Variants in PAN3 observed in about 807,000 individuals in gnomAD.
PAN3 encodes PAN2-PAN3 deadenylation complex subunit PAN3.
Under a neutral mutation model 96.2 loss-of-function variants are expected in PAN3, and 19 were observed. That is an observed-to-expected ratio of 0.20 (90% CI 0.14 to 0.29). PAN3 has a LOEUF of 0.29. PAN3 is among the 10% of genes least tolerant of loss of function. The pLI is 1.00. For synonymous variants in PAN3, 433 were observed against 406.6 expected, an observed-to-expected ratio of 1.06 and a Z score of -0.78; for missense variants, 882 against 1,108.1, an observed-to-expected ratio of 0.80 and a Z score of 2.90.
intron 1 of PAN3, among the ~76,000 whole-genome samples, chr13:28,145,170 T>C (rs997734835): frequency 9.8e-5 from 15 of 152,362 alleles, no homozygotes; most frequent in African/African-American, 3.6e-4. Context: ...GTAACATCTT[T>C]TGTAGCTGTA....
intron 4 of PAN3, among the ~76,000 whole-genome samples, chr13:28,195,828 C>T (rs1240014200): frequency 6.6e-6 from 1 of 152,112 alleles, no homozygotes; most frequent in Non-Finnish European, 1.5e-5. Context: ...AGCCACTGCA[C>T]CCAGCCTTGT....
chr13:28,182,992 AT>A (rs1466602724), intron 4 of PAN3, among the ~76,000 whole-genome samples: 1 of 152,214 alleles, frequency 6.6e-6, no homozygotes, highest in Admixed American at 6.5e-5. Flanking sequence ...CAAATATGGA[AT>A]AACAAAGACT....
chr13:28,201,692 A>G (rs1878727368), intron 5 of PAN3, among the ~76,000 whole-genome samples: 1 of 152,126 alleles, frequency 6.6e-6, no homozygotes, highest in Non-Finnish European at 1.5e-5. Flanking sequence ...AAACGACCAC[A>G]ACTGCCTGTC....
chr13:28,216,243 C>A (rs1880750437), intron 5 of PAN3, among the ~76,000 whole-genome samples: 1 of 149,946 alleles, frequency 6.7e-6, no homozygotes. Context: ...TGTGTATGAC[C>A]CATTTATGTG....
At chr13:28,214,341 TAAAC>T (rs1257506274) in intron 5 of PAN3, among the ~76,000 whole-genome samples, 7 of 152,154 alleles carry the variant, frequency 4.6e-5, no homozygotes, top group Non-Finnish European at 1.0e-4. Flanking sequence ...GATGAAAGGA[TAAAC>T]AAATTATAGT....
intron 6 of PAN3, among the ~76,000 whole-genome samples, chr13:28,254,267 A>G (rs556816886): frequency 6.6e-6 from 1 of 152,292 alleles, no homozygotes; most frequent in Admixed American, 6.5e-5. Context: ...CCTTACAGTA[A>G]TTATTTTGAT....
chr13:28,224,450 C>T (rs1881779318), intron 6 of PAN3, among the ~76,000 whole-genome samples: 1 of 152,162 alleles, frequency 6.6e-6, no homozygotes, highest in African/African-American at 2.4e-5. Flanking sequence ...GCTTAATTAT[C>T]ATGTGTGGGC....
chr13:28,193,140 C>A (rs1281454610), intron 4 of PAN3, among the ~76,000 whole-genome samples: 1 of 152,146 alleles, frequency 6.6e-6, no homozygotes. Flanking sequence ...TCTTGTTGGG[C>A]CACATTCAGA....
chr13:28,275,815 A>G (rs1887010356), intron 14 of PAN3, among the ~76,000 whole-genome samples: 1 of 152,168 alleles, frequency 6.6e-6, no homozygotes, highest in Non-Finnish European at 1.5e-5. Context: ...GTTTTCTGGG[A>G]TGAATCTTTG....
chr13:28,249,178 C>G (rs1884482224), intron 6 of PAN3, among the ~76,000 whole-genome samples: 1 of 152,154 alleles, frequency 6.6e-6, no homozygotes, highest in South Asian at 2.1e-4. Context: ...TTTCTTGCAT[C>G]TGCTCCACTG....
intron 6 of PAN3, among the ~76,000 whole-genome samples, chr13:28,227,748 A>G (rs1159948637): frequency 6.6e-6 from 1 of 152,224 alleles, no homozygotes; most frequent in Non-Finnish European, 1.5e-5. Flanking sequence ...GAAGGATAAC[A>G]TTTGTACTAG....
At chr13:28,221,347 TA>T (rs71641243) in intron 6 of PAN3, among the ~76,000 whole-genome samples, 24,870 of 144,044 alleles carry the variant, frequency 0.17, 3,851 homozygotes, top group African/African-American at 0.43. Flanking sequence ...TCTTGGACAT[TA>T]AAAAAAAAAA....
chr13:28,260,594 G>T (rs373643311), intron 8 of PAN3, 43 bp downstream of exon 8: 28 of 1,448,520 alleles, frequency 1.9e-5, no homozygotes, highest in Middle Eastern at 3.5e-4. Flanking sequence ...AATGTCTCCT[G>T]TGCTTTAGTG....
At chr13:28,282,880 G>A (rs12866485) in intron 17 of PAN3, among the ~76,000 whole-genome samples, 2 of 150,988 alleles carry the variant, frequency 1.3e-5, no homozygotes, top group African/African-American at 4.9e-5. Context: ...TCCTTGGTTT[G>A]TTTATTTATT....
Position 28,256,295 on chromosome 13 carries a change from T to C in PAN3, c.1004T>C (p.Met335Thr). 6.2e-7 allele frequency: 1 copy of C among 1,611,716 alleles called. No individual in the cohort carries two copies. Among genetic ancestry groups the C allele is most frequent in the Non-Finnish European group, 8.5e-7 (1 of 1,178,826 alleles). ...AACATTTTTACATCTTCTTCAGGAATGTCGTTGTCTGCTGGGTCTTCCCCT... is the reference window on the plus strand; with the variant it reads ...AACATTTTTACATCTTCTTCAGGAACGTCGTTGTCTGCTGGGTCTTCCCCT... ...SPATAGLAPGMSLSAGSSPLH... is the reference protein window; with the variant it reads ...SPATAGLAPGTSLSAGSSPLH... Residue 335 changes from methionine to threonine, a missense_variant, in exon 7 of 19, where the codon ATG (methionine) becomes ACG (threonine). Physicochemically the swap from Met to Thr is moderately conservative, Grantham distance 81. Transcript: ENST00000380958.
chr13:28,190,762 G>A (rs772910893), intron 4 of PAN3, among the ~76,000 whole-genome samples: 3 of 152,100 alleles, frequency 2.0e-5, no homozygotes, highest in Admixed American at 6.6e-5. Flanking sequence ...TCACTATCAC[G>A]AGAATAGCAC....
At chr13:28,210,944 A>G (rs1879952687) in intron 5 of PAN3, among the ~76,000 whole-genome samples, 1 of 152,120 alleles carries the variant, frequency 6.6e-6, no homozygotes. Flanking sequence ...TTGCTCTGTC[A>G]TCCAGGCTGG....
chr13:28,289,075 C>G lies in PAN3; in HGVS notation c.2523+953C>G, dbSNP rs963520345. 4.7e-4 allele frequency among the ~76,000 whole-genome samples: 71 copies of G among 152,122 alleles called. 4 individuals carry two copies. Among genetic ancestry groups the G allele is most frequent in the Non-Finnish European group, 7.4e-5 (5 of 68,026 alleles). On this transcript the variant is annotated intron_variant, in intron 18 of 18. Transcript: ENST00000380958. The stretch of plus-strand genomic sequence containing the variant: ...TCTCCTGACCTCGTGATCCACCCGC[C>G]TCAGCCTCCCAAAGTGCTGGGATTA...
chr13:28,237,847 C>T (rs1270015892), intron 6 of PAN3, among the ~76,000 whole-genome samples: 1 of 152,034 alleles, frequency 6.6e-6, no homozygotes, highest in Non-Finnish European at 1.5e-5. Context: ...GAGTCACTAC[C>T]TTCCTAATAA....
Sources: allele counts gnomAD v4.1 joint callset (sites outside exome capture counted in the v4.1 genomes callset), GRCh38; gene constraint gnomAD v4.1.1; transcripts MANE v1.5; gene names NCBI Gene and HGNC (gene_info 2026-07-23, HGNC 2026-07-21).